The following INVS variants were observed in gnomAD, a reference collection of about 807,000 sequenced individuals.
INVS encodes inversin.
INVS carries 86 observed loss-of-function variants against 108.8 expected under a neutral mutation model. The observed-to-expected ratio is 0.79, with a 90% confidence interval of 0.66 to 0.95. The LOEUF is 0.95. Ranked by LOEUF, INVS falls within the 40% of genes least tolerant of loss-of-function variation. INVS has a pLI of 0.00. For missense variants in INVS, 1,169 were observed against 1,297.4 expected (o/e 0.90, Z 1.52); for synonymous variants, 455 against 473.5 (o/e 0.96, Z 0.51).
At position 100,161,372 on chromosome 9, in the gene INVS, A is replaced by ACAAAC. The variant is rs1357620784; in HGVS notation, c.273+34823_273+34824insCAAAC. Among the ~76,000 whole-genome samples the ACAAAC allele has an allele frequency of 3.6e-4, 53 of 149,110 alleles. 4 individuals carry two copies. The highest frequency in any genetic ancestry group is 1.3e-3 in the African/African-American group (51 of 40,128). The stretch of plus-strand genomic sequence containing the variant: ...GAGCAAGACTTCCATCTCAAAAAAA[A>ACAAAC]AAAAAAAAAAAAAAAAAAAACCTCA... On this transcript the variant is annotated intron_variant, in intron 3 of 16. Coordinates refer to ENST00000262457, the MANE Select transcript of INVS (RefSeq NM_014425.5).
At chr9:100,141,783 T>C (rs897641645) in intron 3 of INVS, among the ~76,000 whole-genome samples, 3 of 152,150 alleles carry the variant, frequency 2.0e-5, no homozygotes, top group African/African-American at 7.2e-5. Flanking sequence ...TCTTTGAGGA[T>C]AGATTTCCAG....
At chr9:100,175,758 G>A (rs899626556) in intron 3 of INVS, 91 of 632,266 alleles carry the variant, frequency 1.4e-4, no homozygotes, top group Non-Finnish European at 2.3e-4. Context: ...TTCGGCCTGG[G>A]GCAACCAGAC....
Position 100,283,196 on chromosome 9 carries a change from C to T in INVS, c.1785-1124C>T, listed in dbSNP as rs12005084. Among the ~76,000 whole-genome samples, 315 of 152,130 alleles carry T rather than the reference C, an allele frequency of 2.1e-3. 1 individual carries two copies. The highest frequency in any genetic ancestry group is 7.1e-3 in the African/African-American group (296 of 41,504). On this transcript the variant is annotated intron_variant, in intron 12 of 16. Coordinates refer to ENST00000262457, the MANE Select transcript of INVS (RefSeq NM_014425.5). ...TCCAGGTGTGGTGGGGCATGCTACTCGGGAGGCTGAGGTGGGAGGATCGCT... is the reference window on the plus strand; with the variant it reads ...TCCAGGTGTGGTGGGGCATGCTACTTGGGAGGCTGAGGTGGGAGGATCGCT...
At chr9:100,137,739 T>A (rs1199314103) in intron 3 of INVS, among the ~76,000 whole-genome samples, 1 of 152,180 alleles carries the variant, frequency 6.6e-6, no homozygotes, top group Non-Finnish European at 1.5e-5. Context: ...TATATATGAG[T>A]ATGAAACATC....
chr9:100,119,683 G>A (rs1296051069), intron 2 of INVS, among the ~76,000 whole-genome samples: 2 of 152,116 alleles, frequency 1.3e-5, no homozygotes, highest in East Asian at 1.9e-4. Flanking sequence ...GCAGGCTCCC[G>A]AGTAGCTGGG....
intron 10 of INVS, among the ~76,000 whole-genome samples, chr9:100,255,326 G>A (rs1359647722): frequency 6.6e-6 from 1 of 152,160 alleles, no homozygotes; most frequent in Admixed American, 6.5e-5. Context: ...TGAGACAATG[G>A]GGTTTTCTAA....
At chr9:100,200,733 C>T (rs1308086621) in intron 3 of INVS, among the ~76,000 whole-genome samples, 1 of 152,158 alleles carries the variant, frequency 6.6e-6, no homozygotes, top group Non-Finnish European at 1.5e-5. Context: ...TGGAGTCTCC[C>T]ATACATTGTC....
At chr9:100,184,485 C>T (rs578171190) in intron 3 of INVS, among the ~76,000 whole-genome samples, 2 of 152,030 alleles carry the variant, frequency 1.3e-5, no homozygotes, top group Admixed American at 6.6e-5. Context: ...AAGTCCTCAC[C>T]ATTTTGTAAA....
At chr9:100,258,667 G>T (rs1489414275) in intron 10 of INVS, among the ~76,000 whole-genome samples, 1 of 152,176 alleles carries the variant, frequency 6.6e-6, no homozygotes, top group East Asian at 1.9e-4. Flanking sequence ...GTCTGTTGGA[G>T]TTTGCTGGAG....
intron 10 of INVS, among the ~76,000 whole-genome samples, chr9:100,257,591 C>T (rs992113767): frequency 6.6e-6 from 1 of 152,130 alleles, no homozygotes; most frequent in Non-Finnish European, 1.5e-5. Context: ...GAACTCTTGT[C>T]AGGCAGGCCT....
chr9:100,198,177 C>T (rs1450870977), intron 3 of INVS, among the ~76,000 whole-genome samples: 7 of 147,902 alleles, frequency 4.7e-5, no homozygotes, highest in Admixed American at 2.1e-4. Context: ...CTTTGTCAAA[C>T]CTATTTAGTG....
At chr9:100,180,527 A>G (rs969600054) in intron 3 of INVS, among the ~76,000 whole-genome samples, 1 of 152,220 alleles carries the variant, frequency 6.6e-6, no homozygotes, top group Non-Finnish European at 1.5e-5. Flanking sequence ...TAGAAAATCT[A>G]GAAGAAATTG....
chr9:100,280,879 G>A (rs916268977), intron 12 of INVS, among the ~76,000 whole-genome samples: 1 of 152,120 alleles, frequency 6.6e-6, no homozygotes, highest in African/African-American at 2.4e-5. Flanking sequence ...CTTGAGGCCA[G>A]GAGTTGAAGA....
chr9:100,160,922 T>C (rs1588049886), intron 3 of INVS, among the ~76,000 whole-genome samples: 3 of 115,304 alleles, frequency 2.6e-5, no homozygotes, highest in East Asian at 5.6e-4. Flanking sequence ...ACCACTACAC[T>C]CCAGCCTGGG....
chr9:100,191,163 T>G lies in INVS; in HGVS notation c.274-34899T>G, dbSNP rs116913164. The stretch of plus-strand genomic sequence containing the variant: ...ATTAGCTACTGGGTCCAGCTGGTGA[T>G]ATCCTTTTTGTAATGAATCTCCCAG... On this transcript the variant is annotated intron_variant, in intron 3 of 16. Coordinates refer to ENST00000262457, the MANE Select transcript of INVS (RefSeq NM_014425.5). Among the ~76,000 whole-genome samples the G allele has an allele frequency of 2.0e-3, 312 of 152,288 alleles. 3 individuals carry two copies. In the East Asian group the frequency reaches 0.043, roughly 21 times the overall value.
intron 3 of INVS, among the ~76,000 whole-genome samples, chr9:100,141,291 A>C (rs1245646752): frequency 1.3e-5 from 2 of 152,162 alleles, no homozygotes; most frequent in African/African-American, 2.4e-5. Flanking sequence ...CTGAGAAGGG[A>C]AAGTGGTAAA....
chr9:100,205,641 A>G (rs1830651325), intron 3 of INVS, among the ~76,000 whole-genome samples: 1 of 151,974 alleles, frequency 6.6e-6, no homozygotes, highest in Admixed American at 6.6e-5. Context: ...AATAATGAGC[A>G]ATTTGTTTTA....
intron 3 of INVS, among the ~76,000 whole-genome samples, chr9:100,151,268 GA>G (rs774312710): frequency 1.1e-4 from 16 of 152,270 alleles, no homozygotes; most frequent in Non-Finnish European, 2.1e-4. Context: ...TTGAGCCCAA[GA>G]GTTTGAGACC....
At chr9:100,164,726 T>C (rs896128207) in intron 3 of INVS, among the ~76,000 whole-genome samples, 1 of 152,138 alleles carries the variant, frequency 6.6e-6, no homozygotes, top group African/African-American at 2.4e-5. Flanking sequence ...AAATGGCCAA[T>C]TGATGTTCCA....
Sources: allele counts gnomAD v4.1 joint callset (sites outside exome capture counted in the v4.1 genomes callset), GRCh38; gene constraint gnomAD v4.1.1; transcripts MANE v1.5; gene names NCBI Gene and HGNC (gene_info 2026-07-23, HGNC 2026-07-21).